COL6A5: variants seen among roughly 807,000 people sequenced by gnomAD.
The protein encoded by COL6A5 is collagen type VI alpha 5 chain, also known as collagen alpha-5(VI) chain.
Under a neutral mutation model 65.6 loss-of-function variants are expected in COL6A5, and 48 were observed. The observed-to-expected ratio is 0.73, with a 90% CI of 0.58 to 0.93. The LOEUF is 0.93. COL6A5 is among the 40% of genes least tolerant of loss of function. The pLI, the probability that COL6A5 is intolerant of heterozygous loss-of-function variation, is 0.00. For synonymous variants in COL6A5, 291 were observed against 322.8 expected (o/e 0.90, Z 1.05); for missense variants, 914 against 928.3 (o/e 0.98, Z 0.20).
In COL6A5 at chr3:130,398,125, G is replaced by GTTTT. The variant is rs747107091; in HGVS notation, c.3991+16_3991+17insTTTT. 445 of 1,063,430 alleles carry GTTTT rather than the reference G, an allele frequency of 4.2e-4. 3 individuals carry two copies. The highest frequency in any genetic ancestry group is 1.8e-3 in the African/African-American group (95 of 52,684). 65.9% of individuals were successfully genotyped at this position (1,063,430 alleles called of 1,614,324 possible). A position where few individuals can be genotyped will look rare whatever the true frequency, so the allele number is the denominator to read the frequency against. Reference sequence around the variant, plus strand: ...TCAGAGAAGCAGGTATTGAGTTGTTGTTGTTTTTTTTTTTTTTTTTTTTGA... The same window carrying GTTTT: ...TCAGAGAAGCAGGTATTGAGTTGTTGTTTTTTGTTTTTTTTTTTTTTTTTTTTGA... On this transcript the variant is annotated intron_variant and NMD_transcript_variant, in intron 10 of 41. Coordinates refer to the COL6A5 transcript ENST00000312481.
At chr3:130,353,808 C>T (rs776520430) in intron 1 of COL6A5, among the ~76,000 whole-genome samples, 15 of 151,426 alleles carry the variant, frequency 9.9e-5, no homozygotes, top group Non-Finnish European at 1.8e-4. Flanking sequence ...CAAGATGCAC[C>T]GCCAATTTAA....
chr3:130,471,102 T>G (rs147573119), intron 7 of COL6A5, 135 bp downstream of exon 39: 2 of 537,836 alleles, frequency 3.7e-6, no homozygotes, highest in African/African-American at 1.9e-5. Context: ...GTGTGTGTGT[T>G]TTAAATGCTA....
chr3:130,440,145 T>A (rs16827852), intron 2 of COL6A5, 21 bp from the exon 35 acceptor site: 18,869 of 1,587,866 alleles, frequency 0.012, 353 homozygotes, highest in African/African-American at 0.081. Flanking sequence ...ACCAATGATG[T>A]GTCTCTCTGT....
At chr3:130,383,339 G>C (rs975275611) in intron 4 of COL6A5, among the ~76,000 whole-genome samples, 9 of 151,910 alleles carry the variant, frequency 5.9e-5, no homozygotes, top group African/African-American at 1.9e-4. Flanking sequence ...CTAGTGGCTC[G>C]TGTATTGGAT....
chr3:130,352,392 G>T (rs929702445), intron 1 of COL6A5, among the ~76,000 whole-genome samples: 1 of 151,924 alleles, frequency 6.6e-6, no homozygotes, highest in Non-Finnish European at 1.5e-5. Context: ...CTAACAGATG[G>T]TAGAGAGAAA....
At chr3:130,483,719 C>T (rs1486230828) in intron 7 of COL6A5, among the ~76,000 whole-genome samples, 2 of 152,124 alleles carry the variant, frequency 1.3e-5, no homozygotes, top group Non-Finnish European at 2.9e-5. Context: ...CTGGGCAAAA[C>T]CTTGATATTG....
At chr3:130,463,658 C>T (rs1047650840) in intron 5 of COL6A5, among the ~76,000 whole-genome samples, 2 of 152,070 alleles carry the variant, frequency 1.3e-5, no homozygotes, top group Admixed American at 1.3e-4. Context: ...GAAATTCTTT[C>T]ACAGAGTTGA....
intron 21 of COL6A5, 88 bp downstream of exon 21, chr3:130,413,668 A>G: frequency 7.7e-7 from 1 of 1,307,088 alleles, no homozygotes; most frequent in South Asian, 1.3e-5. Flanking sequence ...CATATCAATG[A>G]GCATTTTACA....
exon 6 of COL6A5, chr3:130,389,132 A>G (rs16827168): frequency 0.025 from 35,855 of 1,419,620 alleles, 574 homozygotes; most frequent in Non-Finnish European, 0.029. Flanking sequence ...TGTGCTCTCC[A>G]TGGTAAGTGT....
chr3:130,376,339 T>TC (rs1559865415), exon 3 of COL6A5: 1 of 1,613,740 alleles, frequency 6.2e-7, no homozygotes, highest in Non-Finnish European at 8.5e-7. Flanking sequence ...AACAAAATGA[T>TC]CAACAGTCTC....
intron 1 of COL6A5, among the ~76,000 whole-genome samples, chr3:130,366,993 G>A (rs1333070548): frequency 1.3e-5 from 2 of 152,138 alleles, no homozygotes; most frequent in African/African-American, 4.8e-5. Context: ...AATAGATTGT[G>A]TGCTCTTGGA....
chr3:130,477,192 T>G, intron 7 of COL6A5: 5 of 832,176 alleles, frequency 6.0e-6, no homozygotes, highest in East Asian at 2.7e-5. Flanking sequence ...AATCTATCTC[T>G]GAGTTGTTGA....
intron 7 of COL6A5, among the ~76,000 whole-genome samples, chr3:130,480,470 G>A (rs1020119492): frequency 1.3e-5 from 2 of 151,924 alleles, no homozygotes; most frequent in Non-Finnish European, 2.9e-5. Flanking sequence ...AAAGTGGAAG[G>A]GAAATACAAA....
intron 1 of COL6A5, among the ~76,000 whole-genome samples, chr3:130,434,659 G>A (rs1204468283): frequency 6.6e-6 from 1 of 152,134 alleles, no homozygotes; most frequent in African/African-American, 2.4e-5. Flanking sequence ...TCTCATTGTG[G>A]TTTTGATTTG....
chr3:130,357,104 A>G (rs1489044343), intron 1 of COL6A5, among the ~76,000 whole-genome samples: 1 of 152,206 alleles, frequency 6.6e-6, no homozygotes, highest in African/African-American at 2.4e-5. Flanking sequence ...AATCCAGACA[A>G]AAAGGAAGAA....
At chr3:130,450,229 G>A (rs1303135668) in intron 4 of COL6A5, among the ~76,000 whole-genome samples, 2 of 152,124 alleles carry the variant, frequency 1.3e-5, no homozygotes, top group East Asian at 3.9e-4. Flanking sequence ...CCTGGGACCA[G>A]CCCTGCTCCC....
In COL6A5 at chr3:130,348,825, T is replaced by C. The variant is rs139667023; in HGVS notation, c.-29+2844T>C. On this transcript the variant is annotated intron_variant and NMD_transcript_variant, in intron 1 of 41. Coordinates refer to the COL6A5 transcript ENST00000312481. ...TTAACAATTGCCATTCTAACTGGCG[T>C]GAGATGGTATCTCATTGTGGTTTTG... is the stretch of plus-strand genomic sequence containing the variant. 9.9e-3 allele frequency among the ~76,000 whole-genome samples: 1,511 copies of C among 152,358 alleles called. 17 individuals carry two copies. Among genetic ancestry groups the C allele is most frequent in the South Asian group, 0.08 (386 of 4,830 alleles).
In COL6A5 at chr3:130,389,154, G is replaced by C. The variant is rs982044445; in HGVS notation, c.2416+20G>C. 7.2e-7 allele frequency: 1 copy of C among 1,389,134 alleles called. No individual in the cohort carries two copies. The highest frequency in any genetic ancestry group is 2.5e-5 in the East Asian group (1 of 39,502). The allele number at this position is 1,389,134 out of a possible 1,614,324, so 86.1% of individuals were successfully genotyped here. A position where few individuals can be genotyped will look rare whatever the true frequency, so the allele number is the denominator to read the frequency against. On this transcript the variant is annotated intron_variant and NMD_transcript_variant, in intron 6 of 41. Transcript: ENST00000312481. Reference sequence around the variant, plus strand: ...TCCATGGTAAGTGTCCCTGTTATCTGTCAGGACTAAAGGATGTGAGCTGTT... The same window carrying C: ...TCCATGGTAAGTGTCCCTGTTATCTCTCAGGACTAAAGGATGTGAGCTGTT...
chr3:130,352,077 C>G (rs1329755266), intron 1 of COL6A5, among the ~76,000 whole-genome samples: 1 of 151,880 alleles, frequency 6.6e-6, no homozygotes, highest in African/African-American at 2.4e-5. Context: ...AAACACCGCA[C>G]GTTCTCACTC....
Sources: allele counts gnomAD v4.1 joint callset (sites outside exome capture counted in the v4.1 genomes callset), GRCh38; gene constraint gnomAD v4.1.1; transcripts MANE v1.5; gene names NCBI Gene and HGNC (gene_info 2026-07-23, HGNC 2026-07-21).